TRERF1: variants seen among roughly 807,000 people sequenced by gnomAD.
The protein encoded by TRERF1 is transcriptional-regulating factor 1.
A neutral mutation model predicts 122.9 loss-of-function variants in TRERF1; 27 were observed. The ratio of observed to expected loss-of-function variants is 0.22; its 90% CI spans 0.16 to 0.30. TRERF1 has a LOEUF of 0.30. Ranked by LOEUF, TRERF1 falls within the 10% of genes least tolerant of loss-of-function variation. The pLI is 1.00. For missense variants in TRERF1, 1,248 were observed against 1,560.3 expected (o/e 0.80, Z 3.37); for synonymous variants, 636 against 641.7 (o/e 0.99, Z 0.13).
chr6:42,337,088 C>T (rs1426202788), intron 3 of TRERF1, among the ~76,000 whole-genome samples: 1 of 152,134 alleles, frequency 6.6e-6, no homozygotes, highest in African/African-American at 2.4e-5. Context: ...GTCACTGAGG[C>T]ATGTCCATGG....
At chr6:42,240,361 T>C (rs1488287098) in intron 15 of TRERF1, among the ~76,000 whole-genome samples, 1 of 152,182 alleles carries the variant, frequency 6.6e-6, no homozygotes, top group Admixed American at 6.5e-5. Flanking sequence ...ATTCTCTGAT[T>C]TTGCCCCTCT....
chr6:42,328,472 T>C (rs904051676), intron 3 of TRERF1, among the ~76,000 whole-genome samples: 16 of 152,152 alleles, frequency 1.1e-4, no homozygotes, highest in Non-Finnish European at 2.4e-4. Context: ...GCAATAGTTA[T>C]TTTTTCTGCT....
At chr6:42,272,834 T>A (rs1435428135) in intron 4 of TRERF1, among the ~76,000 whole-genome samples, 1 of 152,038 alleles carries the variant, frequency 6.6e-6, no homozygotes, top group East Asian at 1.9e-4. Flanking sequence ...CCACCACCCA[T>A]CCTTTCTGAC....
At chr6:42,346,876 A>T (rs557820790) in intron 3 of TRERF1, among the ~76,000 whole-genome samples, 1 of 152,196 alleles carries the variant, frequency 6.6e-6, no homozygotes, top group Non-Finnish European at 1.5e-5. Context: ...GCCAATGGAA[A>T]GGAAGAAGTG....
At chr6:42,258,542 T>C (rs1421084999) in intron 9 of TRERF1, among the ~76,000 whole-genome samples, 2 of 152,258 alleles carry the variant, frequency 1.3e-5, no homozygotes, top group African/African-American at 2.4e-5. Context: ...TGATCTTGCA[T>C]GTAATACCTA....
rs909094154 is a variant in TRERF1 at position 42,295,529 on chromosome 6, C to T, written c.-259+5109G>A. ...ACCCCAGTTCCTACCACTTCTACAC[C>T]CAGGATGCATGAGGCTCCTTCTCCA... On this transcript the variant is annotated intron_variant, in intron 4 of 17. Coordinates refer to ENST00000372922, the Ensembl canonical transcript of TRERF1. 2.0e-5 allele frequency among the ~76,000 whole-genome samples: 3 copies of T among 152,150 alleles called. No homozygotes were observed. The South Asian group carries it at 6.2e-4, about 31-fold the overall frequency.
rs1020940559 is a variant in TRERF1 at position 42,245,502 on chromosome 6, G to A, written c.2745+954C>T. 2.0e-5 allele frequency among the ~76,000 whole-genome samples: 3 copies of A among 152,146 alleles called. No homozygotes were observed. In the East Asian group the frequency reaches 5.8e-4, roughly 29 times the overall value. On this transcript the variant is annotated intron_variant, in intron 14 of 17. Coordinates refer to ENST00000372922, the Ensembl canonical transcript of TRERF1. ...TTTGTGTACCTGAACAGCCTTAAAT[G>A]GCTTTAACACAATATGGCTCCATCA...
chr6:42,284,114 T>C (rs533481439), intron 4 of TRERF1, among the ~76,000 whole-genome samples: 13 of 152,322 alleles, frequency 8.5e-5, no homozygotes, highest in Non-Finnish European at 1.9e-4. Context: ...CTTTTTCAGT[T>C]TGGTTTCTTT....
At chr6:42,236,411 T>G (rs1471835994) in exon 16 of TRERF1, 1 of 1,552,276 alleles carries the variant, frequency 6.4e-7, no homozygotes, top group Non-Finnish European at 8.7e-7. Flanking sequence ...TCTTCACTTG[T>G]CTAGTGTTAA....
intron 13 of TRERF1, among the ~76,000 whole-genome samples, chr6:42,252,253 G>C (rs930777792): frequency 7.2e-5 from 11 of 152,336 alleles, no homozygotes; most frequent in African/African-American, 2.6e-4. Context: ...TCCCAGCACT[G>C]GTCACTTTTT....
chr6:42,320,374 A>G (rs1442551746), intron 3 of TRERF1, among the ~76,000 whole-genome samples: 1 of 152,180 alleles, frequency 6.6e-6, no homozygotes, highest in African/African-American at 2.4e-5. Flanking sequence ...TTGACATAGG[A>G]CAACAATTTA....
chr6:42,321,990 A>G (rs1330298517), intron 3 of TRERF1, among the ~76,000 whole-genome samples: 1 of 152,252 alleles, frequency 6.6e-6, no homozygotes, highest in African/African-American at 2.4e-5. Context: ...CAAAATAAAA[A>G]TGTAAATGTT....
Position 42,259,803 on chromosome 6 carries a change from T to G in TRERF1, c.1885-80A>C, listed in dbSNP as rs927669002. 6 of 1,575,270 alleles carry G rather than the reference T, an allele frequency of 3.8e-6. No individual in the cohort carries two copies. The African/African-American group carries it at 8.1e-5, about 21-fold the overall frequency. On this transcript the variant is annotated intron_variant, in intron 8 of 17. Coordinates refer to ENST00000372922, the Ensembl canonical transcript of TRERF1. This position sits in a 1 kb window ranked among gnomAD's most constrained non-coding sequence, Gnocchi z 4.9. ...TTCCACAGGTTCAGGGAAGGGGGCC[T>G]TCTACTGTCTAAGCAGAGAGCCCTT...
chr6:42,257,115 A>G lies in TRERF1; in HGVS notation c.2337-13T>C. 6.2e-7 allele frequency: 1 copy of G among 1,613,808 alleles called. No homozygotes were observed. Among genetic ancestry groups the G allele is most frequent in the East Asian group, 2.2e-5 (1 of 44,894 alleles). ...AATGTTGATGCGTCTTTAAATGACA[A>G]GAAGAAAAACAACAATGTGGTCTTC... On this transcript the variant is annotated splice_polypyrimidine_tract_variant and intron_variant, in intron 10 of 17. Coordinates refer to ENST00000372922, the Ensembl canonical transcript of TRERF1.
At chr6:42,257,384 T>A (rs80180361) in intron 10 of TRERF1, among the ~76,000 whole-genome samples, 1 of 152,248 alleles carries the variant, frequency 6.6e-6, no homozygotes, top group South Asian at 2.1e-4. Flanking sequence ...ATTTCCAACA[T>A]AACAGTTTCC....
At chr6:42,347,781 A>G (rs1768601559) in intron 3 of TRERF1, among the ~76,000 whole-genome samples, 1 of 152,244 alleles carries the variant, frequency 6.6e-6, no homozygotes, top group South Asian at 2.1e-4. Flanking sequence ...ACCACCAGGT[A>G]TGGTGAAGAG....
intron 3 of TRERF1, among the ~76,000 whole-genome samples, chr6:42,340,810 C>T (rs373167768): frequency 2.0e-4 from 31 of 152,218 alleles, no homozygotes; most frequent in Non-Finnish European, 8.8e-5. Context: ...TTAACATTCT[C>T]AGAGGATTCT....
chr6:42,430,575 C>T (rs573335674), intron 2 of TRERF1, among the ~76,000 whole-genome samples: 40 of 151,598 alleles, frequency 2.6e-4, no homozygotes, highest in African/African-American at 8.5e-4. Flanking sequence ...CATGGTGAAA[C>T]CCCTTTTCTA....
At chr6:42,382,066 G>A (rs572490102) in intron 2 of TRERF1, among the ~76,000 whole-genome samples, 20 of 151,890 alleles carry the variant, frequency 1.3e-4, no homozygotes, top group African/African-American at 4.8e-4. Flanking sequence ...GGCAACTGAG[G>A]CCTGCCCAAA....
Sources: gnomAD v4.1 joint callset for allele counts (sites outside exome capture counted in the v4.1 genomes callset) on GRCh38, gnomAD v4.1.1 for gene constraint, Gnocchi (gnomAD v3.1) non-coding constraint, MANE v1.5 for transcripts, NCBI Gene and HGNC (gene_info 2026-07-23, HGNC 2026-07-21) for gene names.